CILK1: variants seen among roughly 807,000 people sequenced by gnomAD.
CILK1 encodes serine/threonine-protein kinase ICK.
CILK1 carries 47 observed loss-of-function variants against 79.2 expected under a neutral mutation model. The observed-to-expected ratio is 0.59, with a 90% confidence interval of 0.47 to 0.76. The LOEUF (loss-of-function observed/expected upper bound fraction) is 0.76. Ranked by LOEUF, CILK1 falls within the 30% of genes least tolerant of loss-of-function variation. CILK1 has a pLI of 0.00. For missense variants in CILK1, 660 were observed against 769.5 expected (o/e 0.86, Z 1.68); for synonymous variants, 266 against 275.9 (o/e 0.96, Z 0.36).
At chr6:53,061,078 T>C (rs1006623649) in intron 1 of CILK1, 3 of 152,226 alleles carry the variant, frequency 2.0e-5, no homozygotes, top group African/African-American at 7.2e-5. Flanking sequence ...ATATTACATA[T>C]AAGTCCTTAA....
chr6:53,019,507 T>G, intron 5 of CILK1, 148 bp from the exon 6 acceptor site: 2 of 782,734 alleles, frequency 2.6e-6, no homozygotes, highest in South Asian at 1.6e-5. Context: ...CCACAGATAA[T>G]GTAGAGTCCT....
At chr6:53,029,182 T>G (rs180827943) in intron 5 of CILK1, among the ~76,000 whole-genome samples, 1 of 152,326 alleles carries the variant, frequency 6.6e-6, no homozygotes, top group East Asian at 1.9e-4. Context: ...AAATGTGTTA[T>G]CTCTTTTGAG....
rs141663565 is a variant in CILK1 at position 53,009,535 on chromosome 6, G to A, written c.1525C>T (p.Pro509Ser). Residue 509 changes from proline (P) to serine (S), a missense_variant, in exon 12 of 14, where the codon CCA becomes TCA. Transcript: ENST00000676107. The part of the protein sequence containing the change: ...ISIRNGILSN[P>S]GKEFIPPNPW... Reference sequence around the variant, plus strand: ...TTAGGTGGAATAAATTCCTTGCCTGGATTCGAGAGTATGCCATTTCTTATA... The same window carrying A: ...TTAGGTGGAATAAATTCCTTGCCTGAATTCGAGAGTATGCCATTTCTTATA... 3.0e-4 allele frequency: 490 copies of A among 1,611,524 alleles called. 3 individuals are homozygous for A. The African/African-American group carries it at 5.7e-3, about 19-fold the overall frequency.
At chr6:53,028,373 G>A (rs1411987876) in intron 5 of CILK1, among the ~76,000 whole-genome samples, 2 of 152,130 alleles carry the variant, frequency 1.3e-5, no homozygotes, top group South Asian at 2.1e-4. Flanking sequence ...TCTTGTTCTC[G>A]CTGAGCACAG....
Position 53,006,373 on chromosome 6 carries a change from T to G in CILK1, c.1686A>C (p.Lys562Asn). ...CCCTCTGCATAGCAGAACCGATTTC[T>G]TTTTTCAGAAAGGAAGGGACATAGT... ...TGNYVPSFLK[K>N]EIGSAMQRVH... The change falls in exon 13 of 14, where the codon AAA (lysine) becomes AAC (asparagine). Residue 562 changes from lysine to asparagine, a missense_variant. Lys to Asn is a moderately conservative substitution (Grantham distance 94). Coordinates refer to ENST00000676107, the MANE Select transcript of CILK1 (RefSeq NM_014920.5). The G allele has an allele frequency of 6.2e-7, 1 of 1,613,920 alleles. No individual in the cohort carries two copies. Among genetic ancestry groups the G allele is most frequent in the Non-Finnish European group, 8.5e-7 (1 of 1,179,852 alleles).
At chr6:53,022,395 A>G (rs1765302891) in intron 5 of CILK1, among the ~76,000 whole-genome samples, 1 of 152,216 alleles carries the variant, frequency 6.6e-6, no homozygotes, top group Non-Finnish European at 1.5e-5. Context: ...TTCTATGTTT[A>G]GATACACAAA....
chr6:53,036,510 G>C (rs1766348163), intron 3 of CILK1, among the ~76,000 whole-genome samples: 1 of 152,010 alleles, frequency 6.6e-6, no homozygotes, highest in Non-Finnish European at 1.5e-5. Flanking sequence ...CCACTTCCCG[G>C]GTTCCAGCGA....
At chr6:53,059,240 T>A (rs774579095) in intron 1 of CILK1, among the ~76,000 whole-genome samples, 15 of 152,172 alleles carry the variant, frequency 9.9e-5, no homozygotes, top group Non-Finnish European at 2.1e-4. Flanking sequence ...GGGAGCATTT[T>A]CCCTATTTTG....
chr6:53,010,563 G>A (rs1044610370), intron 11 of CILK1, among the ~76,000 whole-genome samples: 1 of 152,136 alleles, frequency 6.6e-6, no homozygotes, highest in African/African-American at 2.4e-5. Context: ...TACACATTAC[G>A]TCACCTCCTT....
intron 3 of CILK1, among the ~76,000 whole-genome samples, chr6:53,037,421 A>G (rs1399184232): frequency 6.6e-6 from 1 of 152,098 alleles, no homozygotes; most frequent in Non-Finnish European, 1.5e-5. Context: ...ACGGATGAGG[A>G]ATCTTGTAAG....
rs1284723826 is a variant in CILK1 at position 53,003,015 on chromosome 6, C to T, written c.*2134G>A. ...ATTAATTTACTTTTCATATATAATACAGAAAATGAAAATAAATATTAACCT... is the reference window on the plus strand; with the variant it reads ...ATTAATTTACTTTTCATATATAATATAGAAAATGAAAATAAATATTAACCT... On this transcript the variant is annotated 3_prime_UTR_variant, in exon 14 of 14. Coordinates refer to ENST00000676107, the MANE Select transcript of CILK1 (RefSeq NM_014920.5). The T allele has an allele frequency of 6.6e-6, 1 of 152,574 alleles. No homozygotes were observed. The highest frequency in any genetic ancestry group is 2.4e-5 in the African/African-American group (1 of 41,426). 9.5% of individuals were successfully genotyped at this position (152,574 alleles called of 1,614,324 possible). A position where few individuals can be genotyped will look rare whatever the true frequency, so the allele number is the denominator to read the frequency against.
chr6:53,027,883 C>A (rs1765676612), intron 5 of CILK1, among the ~76,000 whole-genome samples: 1 of 152,046 alleles, frequency 6.6e-6, no homozygotes, highest in African/African-American at 2.4e-5. Context: ...CACAGTGGCT[C>A]ATGCCTGTAA....
intron 1 of CILK1, among the ~76,000 whole-genome samples, chr6:53,042,513 T>C (rs1277747719): frequency 6.6e-6 from 1 of 152,222 alleles, no homozygotes; most frequent in Non-Finnish European, 1.5e-5. Flanking sequence ...ATGGTATTAT[T>C]ATCACTACTA....
intron 5 of CILK1, among the ~76,000 whole-genome samples, chr6:53,026,869 G>A (rs942071201): frequency 2.0e-5 from 3 of 152,140 alleles, no homozygotes; most frequent in Non-Finnish European, 4.4e-5. Context: ...ACCCCTATAT[G>A]CCAGCTGAAT....
chr6:53,017,835 A>G (rs1359644327), intron 7 of CILK1, among the ~76,000 whole-genome samples: 1 of 152,206 alleles, frequency 6.6e-6, no homozygotes, highest in Non-Finnish European at 1.5e-5. Flanking sequence ...ATTCAGCCTC[A>G]AGGTGGGGGC....
Position 53,001,350 on chromosome 6 carries a change from A to C in CILK1, c.*3799T>G, listed in dbSNP as rs1561993156. ...TTTGGACCAGGAAATTTTTCCTTAC[A>C]TAAGGTTGACATGTTTTAAACACCT... On this transcript the variant is annotated 3_prime_UTR_variant, in exon 14 of 14. Coordinates refer to ENST00000676107, the MANE Select transcript of CILK1 (RefSeq NM_014920.5). The C allele has an allele frequency of 6.8e-6, 1 of 147,734 alleles. No homozygotes were observed. The allele number at this position is 147,734 out of a possible 1,614,324, so 9.2% of individuals were successfully genotyped here. A position where few individuals can be genotyped will look rare whatever the true frequency, so the allele number is the denominator to read the frequency against.
intron 1 of CILK1, among the ~76,000 whole-genome samples, 157 bp from the exon 2 acceptor site, chr6:53,041,565 C>T (rs756961058): frequency 7.9e-5 from 12 of 152,182 alleles, no homozygotes; most frequent in Admixed American, 2.0e-4. Context: ...AGTTGTGTGA[C>T]GCTGTAGAGC....
chr6:53,006,120 T>A (rs941689352), intron 13 of CILK1, among the ~76,000 whole-genome samples, 195 bp downstream of exon 13: 14 of 152,178 alleles, frequency 9.2e-5, no homozygotes, highest in Non-Finnish European at 1.6e-4. Context: ...TCTGCTGTAT[T>A]TTTCTCCTTA....
intron 3 of CILK1, among the ~76,000 whole-genome samples, chr6:53,033,490 T>C (rs1445887906): frequency 1.3e-5 from 2 of 152,268 alleles, no homozygotes. Flanking sequence ...GTAAGCAGCA[T>C]CCCTCTTCTT....
Sources: gnomAD v4.1 joint callset for allele counts (sites outside exome capture counted in the v4.1 genomes callset) on GRCh38, gnomAD v4.1.1 for gene constraint, MANE v1.5 for transcripts, NCBI Gene and HGNC (gene_info 2026-07-23, HGNC 2026-07-21) for gene names.